GAS2: variants seen among roughly 807,000 people sequenced by gnomAD.
GAS2 encodes growth arrest-specific protein 2.
A neutral mutation model predicts 37.5 loss-of-function variants in GAS2; 20 were observed. The observed-to-expected ratio is 0.53, with a 90% confidence interval of 0.37 to 0.77. The LOEUF (loss-of-function observed/expected upper bound fraction) is 0.77, where lower values mean the gene tolerates loss of function less well. Among genes scored for constraint, GAS2 ranks in the 30% least tolerant of loss-of-function variants. GAS2 has a pLI of 0.00. For missense variants in GAS2, 336 were observed against 373.4 expected (o/e 0.90, Z 0.82); for synonymous variants, 144 against 132.2 (o/e 1.09, Z -0.61).
chr11:22,639,135 T>A (rs963629980), intron 1 of GAS2, among the ~76,000 whole-genome samples: 1 of 152,126 alleles, frequency 6.6e-6, no homozygotes, highest in East Asian at 1.9e-4. Context: ...GAAAAAAGGG[T>A]TCCATATTGC....
At chr11:22,767,761 A>T (rs369399124) in intron 7 of GAS2, among the ~76,000 whole-genome samples, 10 of 152,240 alleles carry the variant, frequency 6.6e-5, no homozygotes, top group African/African-American at 2.4e-4. Context: ...GGCCATTTTG[A>T]GTTTGTATTG....
At chr11:22,674,659 CCTA>C (rs1316852486) in intron 1 of GAS2, 188 bp from the exon 2 acceptor site, 3 of 362,786 alleles carry the variant, frequency 8.3e-6, no homozygotes, top group African/African-American at 6.3e-5. Context: ...CTGCTGTTTT[CCTA>C]CTAAGTGTTT....
chr11:22,677,947 A>C (rs1849506491), intron 2 of GAS2, among the ~76,000 whole-genome samples: 2 of 150,386 alleles, frequency 1.3e-5, no homozygotes, highest in South Asian at 4.2e-4. Flanking sequence ...TATATAAATA[A>C]GGAGAAGATT....
At chr11:22,729,453 G>T (rs1399345122) in intron 4 of GAS2, among the ~76,000 whole-genome samples, 1 of 151,838 alleles carries the variant, frequency 6.6e-6, no homozygotes, top group Non-Finnish European at 1.5e-5. Flanking sequence ...CATGCTTCTT[G>T]TCTTTTTTAT....
intron 7 of GAS2, among the ~76,000 whole-genome samples, chr11:22,801,528 A>T (rs1856665130): frequency 6.6e-6 from 1 of 152,070 alleles, no homozygotes; most frequent in African/African-American, 2.4e-5. Flanking sequence ...AGTAAAACAT[A>T]GATAGTGACT....
chr11:22,706,030 A>G (rs1160930409), intron 3 of GAS2, among the ~76,000 whole-genome samples: 1 of 152,222 alleles, frequency 6.6e-6, no homozygotes, highest in African/African-American at 2.4e-5. Flanking sequence ...GAAAGCAAGT[A>G]TGTCTGGAGA....
chr11:22,799,182 G>A (rs1326750698), intron 7 of GAS2, among the ~76,000 whole-genome samples: 1 of 152,016 alleles, frequency 6.6e-6, no homozygotes. Flanking sequence ...GATGACTTCA[G>A]TGAAGAGCAG....
intron 1 of GAS2, among the ~76,000 whole-genome samples, chr11:22,648,277 A>G (rs1178506030): frequency 6.6e-6 from 1 of 151,906 alleles, no homozygotes; most frequent in Admixed American, 6.6e-5. Flanking sequence ...TGTTCCATTG[A>G]TCTATATCTC....
chr11:22,693,617 G>T (rs2133982039), intron 3 of GAS2, among the ~76,000 whole-genome samples: 1 of 152,238 alleles, frequency 6.6e-6, no homozygotes, highest in East Asian at 1.9e-4. Flanking sequence ...GAATATCCAT[G>T]CAAATTGCAC....
chr11:22,767,655 A>T (rs1376183315), intron 7 of GAS2, among the ~76,000 whole-genome samples: 3 of 152,204 alleles, frequency 2.0e-5, no homozygotes, highest in African/African-American at 7.2e-5. Flanking sequence ...AACCTGTGAA[A>T]TAACTGTCAT....
intron 1 of GAS2, among the ~76,000 whole-genome samples, chr11:22,641,940 G>A (rs1848636075): frequency 6.6e-6 from 1 of 152,208 alleles, no homozygotes; most frequent in African/African-American, 2.4e-5. Context: ...AATGTGAAGT[G>A]TTTTCATAAA....
chr11:22,726,822 T>C (rs11026754), intron 4 of GAS2, among the ~76,000 whole-genome samples: 21,269 of 152,128 alleles, frequency 0.14, 1,669 homozygotes, highest in East Asian at 0.2. Context: ...GAGAGCACTC[T>C]TGTCTTTTCA....
intron 1 of GAS2, among the ~76,000 whole-genome samples, chr11:22,650,108 G>C (rs1848755655): frequency 6.6e-6 from 1 of 151,824 alleles, no homozygotes; most frequent in Middle Eastern, 3.4e-3. Flanking sequence ...AGAGATTCTG[G>C]TATGTTGTGT....
At chr11:22,804,536 A>G (rs1471862474) in intron 7 of GAS2, among the ~76,000 whole-genome samples, 1 of 152,128 alleles carries the variant, frequency 6.6e-6, no homozygotes, top group Non-Finnish European at 1.5e-5. Flanking sequence ...TGTAGGTTGT[A>G]CCGTGATGAG....
intron 3 of GAS2, among the ~76,000 whole-genome samples, chr11:22,694,323 C>T (rs1349933811): frequency 6.6e-6 from 1 of 152,118 alleles, no homozygotes; most frequent in Non-Finnish European, 1.5e-5. Context: ...TCCACTTTGC[C>T]TCTGGAAATT....
chr11:22,651,322 C>T (rs1364286879), intron 1 of GAS2, among the ~76,000 whole-genome samples: 1 of 152,150 alleles, frequency 6.6e-6, no homozygotes, highest in African/African-American at 2.4e-5. Context: ...TTGTGGGTAA[C>T]CCGAACTTTC....
intron 5 of GAS2, among the ~76,000 whole-genome samples, chr11:22,740,377 C>A (rs529835963): frequency 8.1e-4 from 123 of 152,220 alleles, no homozygotes; most frequent in African/African-American, 2.6e-3. Context: ...ATTAAGATAA[C>A]CCTTACATTA....
chr11:22,642,283 A>T lies in GAS2; in HGVS notation c.-21+16470A>T, dbSNP rs532997756. Among the ~76,000 whole-genome samples, 8 of 152,264 alleles carry T rather than the reference A, an allele frequency of 5.3e-5. No homozygotes were observed. The East Asian group carries it at 1.5e-3, about 29-fold the overall frequency. Reference sequence around the variant, plus strand: ...AATATTAGGAAGTCTTGACAGGATGATGTTCAGATTTGAAAATTTTGATGA... The same window carrying T: ...AATATTAGGAAGTCTTGACAGGATGTTGTTCAGATTTGAAAATTTTGATGA... On this transcript the variant is annotated intron_variant, in intron 1 of 5. Transcript: ENST00000528582.
chr11:22,641,177 G>A (rs563413511), intron 1 of GAS2, among the ~76,000 whole-genome samples: 6 of 143,954 alleles, frequency 4.2e-5, no homozygotes, highest in Non-Finnish European at 7.5e-5. Flanking sequence ...CTCTGCTAAG[G>A]TTCCAGGATT....
Sources: allele counts gnomAD v4.1 joint callset (sites outside exome capture counted in the v4.1 genomes callset), GRCh38; gene constraint gnomAD v4.1.1; transcripts MANE v1.5; gene names NCBI Gene and HGNC (gene_info 2026-07-23, HGNC 2026-07-21).